Variants in BIRC6 observed in about 807,000 individuals in gnomAD.
The protein encoded by BIRC6 is baculoviral IAP repeat containing 6.
Under a neutral mutation model 503.3 loss-of-function variants are expected in BIRC6, and 98 were observed. The ratio of observed to expected loss-of-function variants is 0.19; its 90% confidence interval spans 0.17 to 0.23. The LOEUF (loss-of-function observed/expected upper bound fraction) is 0.23, where lower values mean the gene tolerates loss of function less well. Ranked by LOEUF, BIRC6 falls within the 10% of genes least tolerant of loss-of-function variation. BIRC6 has a pLI of 1.00. For missense variants in BIRC6, 5,360 were observed against 5,806.0 expected, an observed-to-expected ratio of 0.92 and a Z score of 2.50; for synonymous variants, 2,240 against 2,078.7, an observed-to-expected ratio of 1.08 and a Z score of -2.11.
intron 23 of BIRC6, among the ~76,000 whole-genome samples, chr2:32,460,043 G>A (rs565696158): frequency 2.8e-4 from 41 of 148,010 alleles, no homozygotes; most frequent in East Asian, 4.0e-4. Flanking sequence ...TTTTATCGTC[G>A]TTTTTTCCTT....
chr2:32,443,213 G>A (rs1269305468), intron 19 of BIRC6, among the ~76,000 whole-genome samples: 1 of 152,062 alleles, frequency 6.6e-6, no homozygotes, highest in East Asian at 1.9e-4. Context: ...ATGTTTAAAG[G>A]TTCCTACTTG....
intron 66 of BIRC6, among the ~76,000 whole-genome samples, chr2:32,590,198 CTA>C (rs772276465): frequency 1.8e-4 from 28 of 152,184 alleles, no homozygotes; most frequent in Non-Finnish European, 3.5e-4. Context: ...CTAATCTAAA[CTA>C]TAATTACTGT....
In BIRC6 at chr2:32,563,169, A is replaced by G. The variant is rs75981511; in HGVS notation, c.13145-11987A>G. Among the ~76,000 whole-genome samples, 1,476 of 152,290 alleles carry G rather than the reference A, an allele frequency of 9.7e-3. 20 individuals carry two copies. Among genetic ancestry groups the G allele is most frequent in the Middle Eastern group, 0.017 (5 of 294 alleles). ...TGTCCTCTGTTCTGTTTCTCTTTGT[A>G]TGTTACATGAAGAGGGTTGAGAACG... On this transcript the variant is annotated intron_variant, in intron 65 of 73. Coordinates refer to ENST00000421745, the MANE Select transcript of BIRC6 (RefSeq NM_016252.4).
In BIRC6 at chr2:32,618,029, G is replaced by A. The variant is rs1047130863; in HGVS notation, c.*125G>A. On this transcript the variant is annotated 3_prime_UTR_variant, in exon 74 of 74. Coordinates refer to ENST00000421745, the MANE Select transcript of BIRC6 (RefSeq NM_016252.4). ...AACTGAAACTATACTATGCCCTTAA[G>A]GAGATCCAGTTTAATTCAAGGTGAT... 42 of 935,822 alleles carry A rather than the reference G, an allele frequency of 4.5e-5. No individual in the cohort carries two copies. In the African/African-American group the frequency reaches 6.8e-4, roughly 15 times the overall value. The allele number at this position is 935,822 out of a possible 1,614,324, so 58.0% of individuals were successfully genotyped here.
intron 61 of BIRC6, among the ~76,000 whole-genome samples, chr2:32,538,666 C>A (rs118042197): frequency 1.2e-4 from 18 of 152,208 alleles, no homozygotes; most frequent in Non-Finnish European, 2.5e-4. Context: ...CATGGTGGCT[C>A]ATGCCAGTAA....
rs564590982 is a variant in BIRC6, at chr2:32,538,015, A to T, written c.12292-5226A>T. 4.6e-5 allele frequency among the ~76,000 whole-genome samples: 7 copies of T among 152,288 alleles called. No individual in the cohort carries two copies. The East Asian group carries it at 1.4e-3, about 29-fold the overall frequency. Reference sequence around the variant, plus strand: ...ACAATTATTTAAAGGCTTTAAGAGCAACTAGAAGCAGGCAGAAATTAAAGA... The same window carrying T: ...ACAATTATTTAAAGGCTTTAAGAGCTACTAGAAGCAGGCAGAAATTAAAGA... On this transcript the variant is annotated intron_variant, in intron 61 of 73. Transcript: ENST00000421745.
At position 32,499,859 on chromosome 2, in the gene BIRC6, C is replaced by T; in HGVS notation, c.8781C>T (p.Asn2927=). 6.2e-7 allele frequency: 1 copy of T among 1,613,978 alleles called. No homozygotes were observed. The highest frequency in any genetic ancestry group is 1.1e-5 in the South Asian group (1 of 91,084). ...QLMFDLLKLV[N]ILVQLPLSGN... Reference sequence around the variant, plus strand: ...TGTTTGATTTGTTAAAACTTGTTAACATTTTAGTGCAGCTGCCTCTTTCAG... The same window carrying T: ...TGTTTGATTTGTTAAAACTTGTTAATATTTTAGTGCAGCTGCCTCTTTCAG... The change falls in exon 46 of 74, where the codon AAC becomes AAT. Residue 2927 remains asparagine, a synonymous_variant. Coordinates refer to ENST00000421745, the MANE Select transcript of BIRC6 (RefSeq NM_016252.4).
intron 21 of BIRC6, among the ~76,000 whole-genome samples, chr2:32,446,946 TGATGACTCTTAACGAGCATGCTGCCTTC>T (rs1251468551): frequency 9.1e-6 from 1 of 109,604 alleles, no homozygotes; most frequent in African/African-American, 3.6e-5. Flanking sequence ...TAGGGAGTGG[TGATGACTCTTAACGAGCATGCTGCCTTC>T]AAGCATCTGT....
intron 21 of BIRC6, among the ~76,000 whole-genome samples, chr2:32,448,215 G>A (rs1451743510): frequency 1.6e-5 from 1 of 63,086 alleles, no homozygotes; most frequent in African/African-American, 6.7e-5. Flanking sequence ...GACGATGGGC[G>A]GCCAGGCAGA....
At chr2:32,459,118 T>C (rs532802554) in intron 23 of BIRC6, among the ~76,000 whole-genome samples, 17 of 152,334 alleles carry the variant, frequency 1.1e-4, no homozygotes, top group African/African-American at 3.6e-4. Flanking sequence ...CACAGTGTTA[T>C]GCAGTTATCA....
At position 32,464,685 on chromosome 2, in the gene BIRC6, T is replaced by C; in HGVS notation, c.5118T>C (p.Thr1706=). ...CAAAAACAACACCTCTTTTTATGAC[T>C]CCACCACTCACTCCACCCAATGAAG... ...PTPKTTPLFM[T]PPLTPPNEAV... The change falls in exon 25 of 74, where the codon ACT becomes ACC. Residue 1706 remains threonine, a synonymous_variant. Coordinates refer to ENST00000421745, the MANE Select transcript of BIRC6 (RefSeq NM_016252.4). 6.2e-7 allele frequency: 1 copy of C among 1,613,952 alleles called. No individual in the cohort carries two copies. Among genetic ancestry groups the C allele is most frequent in the Non-Finnish European group, 8.5e-7 (1 of 1,179,884 alleles).
chr2:32,593,828 C>T (rs2061524140), intron 66 of BIRC6, 87 bp from the exon 67 acceptor site: 1 of 1,143,920 alleles, frequency 8.7e-7, no homozygotes, highest in Non-Finnish European at 1.2e-6. Context: ...GAAATGCACA[C>T]ACTCATTTGT....
In BIRC6 at chr2:32,513,015, C is replaced by G; in HGVS notation, c.10429C>G (p.Pro3477Ala). 1 of 1,613,850 alleles carries G rather than the reference C, an allele frequency of 6.2e-7. No individual in the cohort carries two copies. Among genetic ancestry groups the G allele is most frequent in the Non-Finnish European group, 8.5e-7 (1 of 1,179,836 alleles). The part of the protein sequence containing the change: ...KRSGRMNYMC[P>A]NSSTVEYGLL... ...AAGTGGCAGGATGAACTACATGTGTCCTAACTCCTCAACAGTAGAGTATGG... is the reference window on the plus strand; with the variant it reads ...AAGTGGCAGGATGAACTACATGTGTGCTAACTCCTCAACAGTAGAGTATGG... The change falls in exon 54 of 74, where the codon CCT (proline) becomes GCT (alanine). Residue 3477 changes from proline (P) to alanine (A), a missense_variant. Pro to Ala is a conservative substitution (Grantham distance 27). Around this residue, in one of 16 missense-constraint regions of BIRC6, gnomAD observed 878 missense variants for 928.9 expected, o/e 0.95. Coordinates refer to ENST00000421745, the MANE Select transcript of BIRC6 (RefSeq NM_016252.4).
intron 1 of BIRC6, among the ~76,000 whole-genome samples, chr2:32,373,034 G>A (rs2036203768): frequency 6.6e-6 from 1 of 152,146 alleles, no homozygotes; most frequent in African/African-American, 2.4e-5. Flanking sequence ...AAACCAGTGT[G>A]GCTGTACCAT....
chr2:32,495,657 T>C (rs141538693), intron 45 of BIRC6, among the ~76,000 whole-genome samples: 3 of 152,158 alleles, frequency 2.0e-5, no homozygotes, highest in Admixed American at 1.3e-4. Context: ...TTTTTTGTTG[T>C]TGTTACCCTC....
chr2:32,488,070 GT>G (rs1558869654), intron 41 of BIRC6, among the ~76,000 whole-genome samples: 47 of 151,940 alleles, frequency 3.1e-4, no homozygotes, highest in African/African-American at 1.0e-3. Context: ...ACAGGGCATG[GT>G]GGCTTGAGTT....
intron 13 of BIRC6, among the ~76,000 whole-genome samples, chr2:32,434,200 T>G (rs958524983): frequency 6.6e-6 from 1 of 152,168 alleles, no homozygotes; most frequent in African/African-American, 2.4e-5. Context: ...AAAAATACAC[T>G]CATTTTTATC....
intron 2 of BIRC6, chr2:32,379,141 T>C (rs1011177838): frequency 2.6e-5 from 4 of 152,212 alleles, no homozygotes; most frequent in African/African-American, 9.7e-5. Flanking sequence ...TGCTGAAAGT[T>C]TGAGTTCCAA....
At chr2:32,551,736 A>G (rs1054404796) in intron 65 of BIRC6, among the ~76,000 whole-genome samples, 1 of 152,182 alleles carries the variant, frequency 6.6e-6, no homozygotes, top group African/African-American at 2.4e-5. Context: ...AGTTGAGGTA[A>G]TGTGATAGGA....
Sources: gnomAD v4.1 joint callset for allele counts (sites outside exome capture counted in the v4.1 genomes callset) on GRCh38, gnomAD v4.1.1 for gene constraint, gnomAD v4.1.1 regional missense constraint, MANE v1.5 for transcripts, NCBI Gene and HGNC (gene_info 2026-07-23, HGNC 2026-07-21) for gene names.